TP53INP1: variants seen among roughly 807,000 people sequenced by gnomAD.
TP53INP1 encodes tumor protein p53-inducible nuclear protein 1.
A neutral mutation model predicts 21.0 loss-of-function variants in TP53INP1; 12 were observed. That is an observed-to-expected ratio of 0.57 (90% CI 0.37 to 0.93). TP53INP1 has a LOEUF of 0.93. TP53INP1 is among the 40% of genes least tolerant of loss of function. The pLI, the probability that TP53INP1 is intolerant of heterozygous loss-of-function variation, is 0.01. For missense variants in TP53INP1, 274 were observed against 294.7 expected, an observed-to-expected ratio of 0.93 and a Z score of 0.51; for synonymous variants, 91 against 94.8, an observed-to-expected ratio of 0.96 and a Z score of 0.23.
intron 3 of TP53INP1, among the ~76,000 whole-genome samples, chr8:94,931,578 CAT>C (rs1244170889): frequency 9.2e-6 from 1 of 108,438 alleles, no homozygotes; most frequent in Non-Finnish European, 1.8e-5. Context: ...AGGAAACACA[CAT>C]ATTTATTACA....
Position 94,929,504 on chromosome 8 carries a change from A to C in TP53INP1, c.*975T>G, listed in dbSNP as rs1563718625. ...GACATCATCACCAGACAGTCCCCAC[A>C]CTCTTGCCACTTGGCAGGACAGGCT... On this transcript the variant is annotated 3_prime_UTR_variant, in exon 4 of 4. Coordinates refer to ENST00000342697, the MANE Select transcript of TP53INP1 (RefSeq NM_033285.4). 1 of 151,598 alleles carries C rather than the reference A, an allele frequency of 6.6e-6. No individual in the cohort carries two copies. The highest frequency in any genetic ancestry group is 2.4e-5 in the African/African-American group (1 of 41,242). The allele number at this position is 151,598 out of a possible 1,614,324, so 9.4% of individuals were successfully genotyped here.
chr8:94,933,386 AAGGAAGGAAG>A (rs1820621647), intron 3 of TP53INP1, among the ~76,000 whole-genome samples: 1 of 150,082 alleles, frequency 6.7e-6, no homozygotes, highest in Admixed American at 6.6e-5. Context: ...CTTGAAAAAG[AAGGAAGGAAG>A]AAGAAGGAAG....
In TP53INP1 at chr8:94,928,726, C is replaced by G. The variant is rs1374665719; in HGVS notation, c.*1753G>C. 1 of 152,222 alleles carries G rather than the reference C, an allele frequency of 6.6e-6. No individual in the cohort carries two copies. The highest frequency in any genetic ancestry group is 1.5e-5 in the Non-Finnish European group (1 of 68,040). 9.4% of individuals were successfully genotyped at this position (152,222 alleles called of 1,614,324 possible). A position where few individuals can be genotyped will look rare whatever the true frequency, so the allele number is the denominator to read the frequency against. On this transcript the variant is annotated 3_prime_UTR_variant, in exon 4 of 4. Coordinates refer to ENST00000342697, the MANE Select transcript of TP53INP1 (RefSeq NM_033285.4). Reference sequence around the variant, plus strand: ...CACTACACATTTGACGTCTTCCACTCCAAACGCTCTAATCTAGTCAGAAAA... The same window carrying G: ...CACTACACATTTGACGTCTTCCACTGCAAACGCTCTAATCTAGTCAGAAAA...
chr8:94,937,241 G>A, intron 3 of TP53INP1, among the ~76,000 whole-genome samples: 1 of 152,104 alleles, frequency 6.6e-6, no homozygotes, highest in African/African-American at 2.4e-5. Context: ...AGGAGTTCGA[G>A]ACTAGCCTGG....
chr8:94,943,820 G>A (rs1821765254), intron 1 of TP53INP1, among the ~76,000 whole-genome samples: 2 of 152,224 alleles, frequency 1.3e-5, no homozygotes, highest in South Asian at 4.1e-4. Flanking sequence ...AACAGGAAGT[G>A]TCACTTGCAT....
chr8:94,940,723 T>A, intron 2 of TP53INP1, 107 bp downstream of exon 2: 5 of 760,562 alleles, frequency 6.6e-6, no homozygotes, highest in Non-Finnish European at 1.1e-5. Context: ...CTGCTTACTT[T>A]TAAGGCTGAA....
rs191848451 is a variant in TP53INP1 at position 94,927,396 on chromosome 8, T to C, written c.*3083A>G. On this transcript the variant is annotated 3_prime_UTR_variant, in exon 4 of 4. Coordinates refer to ENST00000342697, the MANE Select transcript of TP53INP1 (RefSeq NM_033285.4). ...CTGAACAGCCTGCTCAAGTTTTAAA[T>C]AAACTGTCTTCTCACTCAAAGTACT... 1.7e-4 allele frequency: 26 copies of C among 152,338 alleles called. No individual in the cohort carries two copies. Among genetic ancestry groups the C allele is most frequent in the African/African-American group, 6.3e-4 (26 of 41,578 alleles). 9.4% of individuals were successfully genotyped at this position (152,338 alleles called of 1,614,324 possible). A position where few individuals can be genotyped will look rare whatever the true frequency, so the allele number is the denominator to read the frequency against.
chr8:94,934,071 C>CT (rs1222839095), intron 3 of TP53INP1, among the ~76,000 whole-genome samples: 28 of 148,512 alleles, frequency 1.9e-4, no homozygotes, highest in Admixed American at 1.6e-3. Flanking sequence ...GAGTGAAACT[C>CT]TGTCTCAAAA....
chr8:94,944,815 T>C (rs2131385930), intron 1 of TP53INP1, among the ~76,000 whole-genome samples: 1 of 152,266 alleles, frequency 6.6e-6, no homozygotes, highest in East Asian at 1.9e-4. Flanking sequence ...AGTCTCACTG[T>C]TGGGAAAATG....
chr8:94,948,627 G>T (rs896853), intron 1 of TP53INP1, among the ~76,000 whole-genome samples: 4 of 152,046 alleles, frequency 2.6e-5, no homozygotes, highest in Non-Finnish European at 5.9e-5. Context: ...ATCGCAGGGC[G>T]GGGACAGAGC....
Position 94,940,130 on chromosome 8 carries a change from C to T in TP53INP1, c.203G>A (p.Cys68Tyr). Residue 68 changes from cysteine to tyrosine, a missense_variant, in exon 3 of 4, where the codon TGT becomes TAT. By Grantham distance (194) the Cys-to-Tyr change is radical (BLOSUM62 -2). Coordinates refer to ENST00000342697, the MANE Select transcript of TP53INP1 (RefSeq NM_033285.4). ...CAAGCACTCAAGAGATGCCGGTAAACAGGAAAAGACTGAAGGGTGCTCAGT... is the reference window on the plus strand; with the variant it reads ...CAAGCACTCAAGAGATGCCGGTAAATAGGAAAAGACTGAAGGGTGCTCAGT... ...SPTEHPSVFS[C>Y]LPASLECLAD... 1 of 1,614,178 alleles carries T rather than the reference C, an allele frequency of 6.2e-7. No individual in the cohort carries two copies. Among genetic ancestry groups the T allele is most frequent in the Non-Finnish European group, 8.5e-7 (1 of 1,180,036 alleles).
chr8:94,948,459 C>T (rs1431119780), intron 1 of TP53INP1, among the ~76,000 whole-genome samples: 7 of 152,242 alleles, frequency 4.6e-5, no homozygotes. Context: ...GGAGAGCGCT[C>T]TTTCCACAGG....
rs374244153 is a variant in TP53INP1, at chr8:94,932,584, G to A, written c.474-1856C>T. On this transcript the variant is annotated intron_variant, in intron 3 of 3. Transcript: ENST00000342697. ...TTTGGGAGGCTGAGGCGGGCGGATCGTGAGGTCAGGAGATCAAGACCATCC... is the reference window on the plus strand; with the variant it reads ...TTTGGGAGGCTGAGGCGGGCGGATCATGAGGTCAGGAGATCAAGACCATCC... Among the ~76,000 whole-genome samples the A allele has an allele frequency of 4.8e-4, 73 of 152,154 alleles. 1 individual carries two copies. Among genetic ancestry groups the A allele is most frequent in the African/African-American group, 1.6e-3 (67 of 41,530 alleles).
At chr8:94,934,895 G>C (rs1229476316) in intron 3 of TP53INP1, among the ~76,000 whole-genome samples, 1 of 152,120 alleles carries the variant, frequency 6.6e-6, no homozygotes, top group South Asian at 2.1e-4. Context: ...CCCCACCCAT[G>C]ACCTTACCTA....
Position 94,930,511 on chromosome 8 carries a change from G to A in TP53INP1, c.691C>T (p.His231Tyr), listed in dbSNP as rs372267324. The change falls in exon 4 of 4, where the codon CAT becomes TAT. Residue 231 changes from histidine (H) to tyrosine (Y), a missense_variant. By Grantham distance (83) the His-to-Tyr change is moderately conservative. Transcript: ENST00000342697. Reference sequence around the variant, plus strand: ...TTGTACTGACGCGGGCAGGGCTGATGAACAACCCAGCCATTGTGCTTGACT... The same window carrying A: ...TTGTACTGACGCGGGCAGGGCTGATAAACAACCCAGCCATTGTGCTTGACT... ...RQVKHNGWVV[H>Y]QPCPRQYNY The A allele has an allele frequency of 1.2e-6, 2 of 1,614,124 alleles. No homozygotes were observed. Among genetic ancestry groups the A allele is most frequent in the African/African-American group, 2.7e-5 (2 of 74,942 alleles).
intron 1 of TP53INP1, among the ~76,000 whole-genome samples, chr8:94,942,786 G>A (rs954327437): frequency 5.3e-5 from 8 of 152,214 alleles, no homozygotes; most frequent in Admixed American, 6.5e-5. Flanking sequence ...AATGGAGGAA[G>A]GGGGCAAAGG....
intron 3 of TP53INP1, among the ~76,000 whole-genome samples, chr8:94,936,522 C>A (rs543118117): frequency 2.4e-4 from 36 of 152,240 alleles, no homozygotes; most frequent in Admixed American, 1.4e-3. Flanking sequence ...AAAAACAAAT[C>A]GGCTCTGTGG....
chr8:94,941,944 A>C (rs1168998451), intron 1 of TP53INP1, among the ~76,000 whole-genome samples: 1 of 152,124 alleles, frequency 6.6e-6, no homozygotes, highest in Non-Finnish European at 1.5e-5. Context: ...TTCCCCCACA[A>C]ACTTATTCAT....
chr8:94,929,204 G>A lies in TP53INP1; in HGVS notation c.*1275C>T, dbSNP rs554237155. The A allele has an allele frequency of 6.6e-6, 1 of 152,402 alleles. No homozygotes were observed. The highest frequency in any genetic ancestry group is 1.5e-5 in the Non-Finnish European group (1 of 68,128). The allele number at this position is 152,402 out of a possible 1,614,324, so 9.4% of individuals were successfully genotyped here. ...CCCCATCACCAGATTCAGTAGAAAG[G>A]CCCTTGGAATTTCCTACAAGGTTCA... On this transcript the variant is annotated 3_prime_UTR_variant, in exon 4 of 4. Coordinates refer to ENST00000342697, the MANE Select transcript of TP53INP1 (RefSeq NM_033285.4).
Sources: gnomAD v4.1 joint callset for allele counts (sites outside exome capture counted in the v4.1 genomes callset) on GRCh38, gnomAD v4.1.1 for gene constraint, MANE v1.5 for transcripts, NCBI Gene and HGNC (gene_info 2026-07-23, HGNC 2026-07-21) for gene names.